The following RSPH10B2 variants were observed in gnomAD, a reference collection of about 807,000 sequenced individuals.
The protein encoded by RSPH10B2 is radial spoke head 10 homolog B2, also known as radial spoke head 10 homolog B2 (Chlamydomonas).
A neutral mutation model predicts 49.0 loss-of-function variants in RSPH10B2; 9 were observed. The observed-to-expected ratio is 0.18, with a 90% CI of 0.11 to 0.32. RSPH10B2 has a LOEUF of 0.32. RSPH10B2 is among the 10% of genes least tolerant of loss of function. The probability of loss-of-function intolerance (pLI) is 1.00; values close to 1 mark genes in which losing one functional copy is unlikely to be tolerated. For missense variants in RSPH10B2, 95 were observed against 589.9 expected (o/e 0.16, Z 8.69); for synonymous variants, 35 against 210.2 (o/e 0.17, Z 7.21).
intron 13 of RSPH10B2, among the ~76,000 whole-genome samples, chr7:6,783,717 C>T (rs2711179): frequency 1.3e-4 from 19 of 151,514 alleles, no homozygotes; most frequent in African/African-American, 3.7e-4. Context: ...AAGCAGTCCT[C>T]GTGCCTCGGC....
rs775750499 is a variant in RSPH10B2 at position 6,796,669 on chromosome 7, C to T, written c.2335C>T (p.Arg779Cys). ...GAACACGCTCTTTCATGCGTATAAACGTGAAGAAGCTATCAAGGAGAAAAT... is the reference window on the plus strand; with the variant it reads ...GAACACGCTCTTTCATGCGTATAAATGTGAAGAAGCTATCAAGGAGAAAAT... The change falls in exon 18 of 19, where the codon CGT becomes TGT. Residue 779 changes from arginine to cysteine, a missense_variant. Arg to Cys is a radical substitution (Grantham distance 180). Coordinates refer to ENST00000297186, the Ensembl canonical transcript of RSPH10B2. 52 of 1,262,140 alleles carry T rather than the reference C, an allele frequency of 4.1e-5. 11 individuals carry two copies. The highest frequency in any genetic ancestry group is 3.6e-4 in the South Asian group (20 of 54,820). The allele number at this position is 1,262,140 out of a possible 1,614,324, so 78.2% of individuals were successfully genotyped here.
chr7:6,770,463 TA>T (rs1336976664), intron 7 of RSPH10B2, among the ~76,000 whole-genome samples: 3 of 122,936 alleles, frequency 2.4e-5, no homozygotes, highest in Non-Finnish European at 3.5e-5. Context: ...ATACAAAAAT[TA>T]GCTGGGTGTG....
At chr7:6,757,594 TA>T in exon 1 of RSPH10B2, 1 of 652,320 alleles carries the variant, frequency 1.5e-6, no homozygotes, top group Non-Finnish European at 2.3e-6. Flanking sequence ...ATTTTTCAGA[TA>T]AAACTCATCA....
intron 5 of RSPH10B2, 49 bp from the exon 8 acceptor site, chr7:6,766,708 G>A: frequency 3.3e-6 from 1 of 300,932 alleles, no homozygotes; most frequent in Non-Finnish European, 6.2e-6. Flanking sequence ...AAAGGTAAAT[G>A]TTGTGTAGGA....
intron 17 of RSPH10B2, among the ~76,000 whole-genome samples, chr7:6,793,062 C>A (rs1782405059): frequency 1.1e-5 from 1 of 91,938 alleles, no homozygotes; most frequent in Admixed American, 1.3e-4. Flanking sequence ...CGCCCCTGGG[C>A]ATTTTTTTTT....
rs779074137 is a variant in RSPH10B2 at position 6,780,876 on chromosome 7, T to G, written c.1597T>G (p.Cys533Gly). 10 of 1,498,042 alleles carry G rather than the reference T, an allele frequency of 6.7e-6. No homozygotes were observed. The East Asian group carries it at 2.7e-4, about 40-fold the overall frequency. 92.8% of individuals were successfully genotyped at this position (1,498,042 alleles called of 1,614,324 possible). A position where few individuals can be genotyped will look rare whatever the true frequency, so the allele number is the denominator to read the frequency against. Residue 533 changes from cysteine to glycine, a missense_variant, in exon 12 of 19, where the codon TGC becomes GGC. Physicochemically the swap from Cys to Gly is radical, Grantham distance 159. Transcript: ENST00000297186. ...GACCGAGAACATTCGTCCAAATGCC[T>G]GCCAGATAAAAGGTAAATACAAAAC... is the stretch of plus-strand genomic sequence containing the variant.
At position 6,786,284 on chromosome 7, in the gene RSPH10B2, G is replaced by A. The variant is rs1169823500; in HGVS notation, c.1866+228G>A. 6.7e-3 allele frequency among the ~76,000 whole-genome samples: 603 copies of A among 89,344 alleles called. 1 individual carries two copies. The highest frequency in any genetic ancestry group is 0.029 in the African/African-American group (572 of 19,890). The allele number at this position is 89,344 out of a possible 152,430, so 58.6% of individuals were successfully genotyped here. A position where few individuals can be genotyped will look rare whatever the true frequency, so the allele number is the denominator to read the frequency against. ...TGCAAGCTCCGCCTCCCGGGTTCAC[G>A]CCATTCTCCTGCCTCAGCCTCCCGA... On this transcript the variant is annotated intron_variant, in intron 14 of 18. Coordinates refer to ENST00000297186, the Ensembl canonical transcript of RSPH10B2.
At chr7:6,786,686 AAT>A (rs1782194875) in intron 14 of RSPH10B2, among the ~76,000 whole-genome samples, 190 bp from the exon 17 acceptor site, 1 of 136,056 alleles carries the variant, frequency 7.3e-6, no homozygotes, top group African/African-American at 2.8e-5. Context: ...ACAAGTACCT[AAT>A]ATATGTGTGT....
rs1344485620 is a variant in RSPH10B2 at position 6,774,270 on chromosome 7, C to T, written c.1224+799C>T. Reference sequence around the variant, plus strand: ...TCAGCTCACTGCAACCTCCGCCTCCCGCGTTCAAGGGATTCTCCTGCCTCA... The same window carrying T: ...TCAGCTCACTGCAACCTCCGCCTCCTGCGTTCAAGGGATTCTCCTGCCTCA... On this transcript the variant is annotated intron_variant, in intron 9 of 18. Transcript: ENST00000297186. Among the ~76,000 whole-genome samples, 3 of 78,674 alleles carry T rather than the reference C, an allele frequency of 3.8e-5. 1 individual carries two copies. Among genetic ancestry groups the T allele is most frequent in the African/African-American group, 1.1e-4 (2 of 17,984 alleles). 51.6% of individuals were successfully genotyped at this position (78,674 alleles called of 152,430 possible).
chr7:6,797,864 A>ATACACACACAC lies in RSPH10B2; in HGVS notation c.2433-499_2433-498insTACACACACAC, dbSNP rs1370266545. Among the ~76,000 whole-genome samples the ATACACACACAC allele has an allele frequency of 8.3e-3, 589 of 71,166 alleles. 19 individuals carry two copies. The highest frequency in any genetic ancestry group is 0.04 in the African/African-American group (560 of 14,010). 46.7% of individuals were successfully genotyped at this position (71,166 alleles called of 152,430 possible). A position where few individuals can be genotyped will look rare whatever the true frequency, so the allele number is the denominator to read the frequency against. ...TAAGACCCTATCTCAAAAAAAAAAAAATACACACACACACACACACACACG... is the reference window on the plus strand; with the variant it reads ...TAAGACCCTATCTCAAAAAAAAAAAATACACACACACATACACACACACACACACACACACG... On this transcript the variant is annotated intron_variant, in intron 18 of 18. Coordinates refer to ENST00000297186, the Ensembl canonical transcript of RSPH10B2.
At chr7:6,783,561 C>T (rs1782022733) in intron 13 of RSPH10B2, among the ~76,000 whole-genome samples, 1 of 127,706 alleles carries the variant, frequency 7.8e-6, no homozygotes, top group African/African-American at 3.1e-5. Flanking sequence ...CAACCTCAAC[C>T]TCCCAGGTTC....
chr7:6,782,779 A>T (rs1448571875), intron 13 of RSPH10B2, among the ~76,000 whole-genome samples: 1 of 115,592 alleles, frequency 8.7e-6, no homozygotes, highest in Non-Finnish European at 1.8e-5. Flanking sequence ...GCCACTTCGG[A>T]GGCTGAGGCA....
At chr7:6,757,988 A>G in intron 1 of RSPH10B2, 57 bp downstream of exon 3, 4 of 1,612,734 alleles carry the variant, frequency 2.5e-6, no homozygotes, top group South Asian at 1.1e-5. Context: ...GGTTTATCTT[A>G]TTTTATTTTG....
intron 9 of RSPH10B2, among the ~76,000 whole-genome samples, chr7:6,774,761 T>TTG (rs1554255145): frequency 4.0e-5 from 6 of 148,328 alleles, no homozygotes; most frequent in African/African-American, 1.5e-4. Flanking sequence ...TTTTGTTTTT[T>TTG]TTTTTTTCTT....
rs529697643 is a variant in RSPH10B2, at chr7:6,781,791, C to T, written c.1758+315C>T. On this transcript the variant is annotated intron_variant, in intron 13 of 18. Coordinates refer to ENST00000297186, the Ensembl canonical transcript of RSPH10B2. ...CAGCACTTTGAGAGGCCGAGGCGGG[C>T]GGATCACCTGAGGTCAAGGAGTTCA... Among the ~76,000 whole-genome samples the T allele has an allele frequency of 3.4e-4, 37 of 108,548 alleles. 6 individuals carry two copies. The highest frequency in any genetic ancestry group is 6.3e-4 in the Non-Finnish European group (34 of 54,120). 71.2% of individuals were successfully genotyped at this position (108,548 alleles called of 152,430 possible).
At chr7:6,774,753 T>TG (rs1781707554) in intron 9 of RSPH10B2, among the ~76,000 whole-genome samples, 1 of 90,726 alleles carries the variant, frequency 1.1e-5, no homozygotes, top group Non-Finnish European at 2.2e-5. Flanking sequence ...ATCTTTTTTT[T>TG]TGTTTTTTTT....
intron 6 of RSPH10B2, among the ~76,000 whole-genome samples, 197 bp downstream of exon 8, chr7:6,767,074 C>T (rs1781483204): frequency 1.6e-5 from 1 of 61,798 alleles, no homozygotes; most frequent in African/African-American, 5.4e-5. Context: ...AAGCAATTCT[C>T]CTGCCTCAGC....
At chr7:6,771,994 GAA>G (rs1295150186) in intron 8 of RSPH10B2, among the ~76,000 whole-genome samples, 2 of 148,134 alleles carry the variant, frequency 1.4e-5, no homozygotes, top group African/African-American at 4.9e-5. Flanking sequence ...GGGCCACAGA[GAA>G]AGACTCCGTC....
intron 13 of RSPH10B2, among the ~76,000 whole-genome samples, chr7:6,781,935 C>T (rs1382368248): frequency 9.3e-6 from 1 of 106,954 alleles, no homozygotes; most frequent in Non-Finnish European, 1.9e-5. Context: ...TTTTTTGAGA[C>T]GGAGTTTTGC....
Sources: allele counts gnomAD v4.1 joint callset (sites outside exome capture counted in the v4.1 genomes callset), GRCh38; gene constraint gnomAD v4.1.1; transcripts MANE v1.5; gene names NCBI Gene and HGNC (gene_info 2026-07-23, HGNC 2026-07-21).